Variants in FMNL2 observed in about 807,000 individuals in gnomAD.
FMNL2 encodes the protein formin like 2, also known as formin-like protein 2.
A neutral mutation model predicts 130.2 loss-of-function variants in FMNL2; 51 were observed. The observed-to-expected ratio is 0.39, with a 90% confidence interval of 0.31 to 0.49. The LOEUF is 0.49. Ranked by LOEUF, FMNL2 falls within the 20% of genes least tolerant of loss-of-function variation. FMNL2 has a pLI of 0.85. For missense variants in FMNL2, 977 were observed against 1,316.2 expected, an observed-to-expected ratio of 0.74 and a Z score of 3.99; for synonymous variants, 465 against 467.1, an observed-to-expected ratio of 1.00 and a Z score of 0.06.
chr2:152,406,839 T>G (rs77344232), intron 1 of FMNL2, among the ~76,000 whole-genome samples: 10,173 of 152,296 alleles, frequency 0.067, 583 homozygotes, highest in Admixed American at 0.2. Context: ...CTCACATTAC[T>G]TCCTGGTGCC....
intron 1 of FMNL2, among the ~76,000 whole-genome samples, chr2:152,376,081 A>T (rs1684153922): frequency 6.6e-6 from 1 of 151,700 alleles, no homozygotes; most frequent in African/African-American, 2.4e-5. Flanking sequence ...TTTAGTAGAG[A>T]CGGGGTTTCA....
intron 1 of FMNL2, among the ~76,000 whole-genome samples, chr2:152,453,273 G>A (rs1239431653): frequency 6.6e-6 from 1 of 152,128 alleles, no homozygotes; most frequent in African/African-American, 2.4e-5. Context: ...AAGGTCAGGA[G>A]TGGATTCTGG....
At chr2:152,380,166 T>G (rs1212473425) in intron 1 of FMNL2, among the ~76,000 whole-genome samples, 2 of 152,220 alleles carry the variant, frequency 1.3e-5, no homozygotes, top group Admixed American at 1.3e-4. Flanking sequence ...AGAATAAGGT[T>G]AGTTCATCTT....
At chr2:152,645,242 C>CA (rs1463840731) in intron 25 of FMNL2, among the ~76,000 whole-genome samples, 3 of 152,134 alleles carry the variant, frequency 2.0e-5, no homozygotes, top group Non-Finnish European at 4.4e-5. Flanking sequence ...ACTGGGTGGT[C>CA]AGAGAGCTGG....
intron 9 of FMNL2, among the ~76,000 whole-genome samples, chr2:152,598,364 T>C (rs578044806): frequency 6.6e-6 from 1 of 152,270 alleles, no homozygotes; most frequent in African/African-American, 2.4e-5. Context: ...ACTGAAGGCC[T>C]TTGTCATGTA....
At chr2:152,572,276 G>C (rs1298056112) in intron 6 of FMNL2, among the ~76,000 whole-genome samples, 1 of 152,144 alleles carries the variant, frequency 6.6e-6, no homozygotes, top group Non-Finnish European at 1.5e-5. Flanking sequence ...TCTAAACCTA[G>C]ACCATCTCAG....
chr2:152,620,847 G>A lies in FMNL2; in HGVS notation c.1837+1129G>A, dbSNP rs113001823. The stretch of plus-strand genomic sequence containing the variant: ...AAATCCATGGTTTTACTTCCACCCC[G>A]ACTTCTATATAAAACTGTCAGGGAA... On this transcript the variant is annotated intron_variant, in intron 15 of 25. Transcript: ENST00000288670. The A allele has an allele frequency of 1.5e-3, 1,231 of 837,944 alleles. 15 individuals are homozygous for A. The African/African-American group carries it at 0.02, about 14-fold the overall frequency. The allele number at this position is 837,944 out of a possible 1,614,324, so 51.9% of individuals were successfully genotyped here.
Position 152,453,737 on chromosome 2 carries a change from C to T in FMNL2, c.118-68206C>T, listed in dbSNP as rs888032319. Among the ~76,000 whole-genome samples, 5 of 152,178 alleles carry T rather than the reference C, an allele frequency of 3.3e-5. No individual in the cohort carries two copies. In the South Asian group the frequency reaches 1.0e-3, roughly 32 times the overall value. ...TGTATGCCATTCTGTCCCTTGCATG[C>T]TGTCTGCGAGGGCACAGCCATTATA... is the stretch of plus-strand genomic sequence containing the variant. On this transcript the variant is annotated intron_variant, in intron 1 of 25. Coordinates refer to ENST00000288670, the MANE Select transcript of FMNL2 (RefSeq NM_052905.4).
At chr2:152,414,340 G>C (rs1245513790) in intron 1 of FMNL2, among the ~76,000 whole-genome samples, 1 of 152,168 alleles carries the variant, frequency 6.6e-6, no homozygotes, top group Admixed American at 6.5e-5. Context: ...TGGGGGTGGA[G>C]TGATGTTACC....
At chr2:152,490,750 A>G (rs991507888) in intron 1 of FMNL2, among the ~76,000 whole-genome samples, 1 of 151,628 alleles carries the variant, frequency 6.6e-6, no homozygotes, top group East Asian at 1.9e-4. Context: ...AAAAAAAAAA[A>G]GGAAAATTAT....
intron 1 of FMNL2, among the ~76,000 whole-genome samples, chr2:152,492,271 A>C (rs1441554697): frequency 1.3e-5 from 2 of 152,080 alleles, no homozygotes; most frequent in Non-Finnish European, 2.9e-5. Context: ...CTCTATCTCC[A>C]AAAGCAACTG....
chr2:152,478,246 ATATATTTTTTTT>A (rs1690274419), intron 1 of FMNL2, among the ~76,000 whole-genome samples: 2 of 67,664 alleles, frequency 3.0e-5, no homozygotes, highest in Admixed American at 3.9e-4. Context: ...ATATATATAT[ATATATTTTTTTT>A]TTTTTTTTTT....
intron 1 of FMNL2, among the ~76,000 whole-genome samples, chr2:152,402,243 C>G (rs1579579130): frequency 6.6e-6 from 1 of 152,146 alleles, no homozygotes; most frequent in East Asian, 1.9e-4. Context: ...AAGCGTTGTT[C>G]TCATCTGTAA....
chr2:152,471,891 G>A (rs1475351191), intron 1 of FMNL2, among the ~76,000 whole-genome samples: 1 of 152,070 alleles, frequency 6.6e-6, no homozygotes, highest in Non-Finnish European at 1.5e-5. Context: ...CAAATTCCAG[G>A]CTATACCCTG....
At chr2:152,538,898 A>G (rs1473618508) in intron 2 of FMNL2, among the ~76,000 whole-genome samples, 2 of 152,228 alleles carry the variant, frequency 1.3e-5, no homozygotes, top group African/African-American at 4.8e-5. Flanking sequence ...GCACCTTGCC[A>G]AACACATTTA....
intron 3 of FMNL2, among the ~76,000 whole-genome samples, chr2:152,543,729 CAAA>C (rs71394490): frequency 4.9e-5 from 3 of 61,398 alleles, no homozygotes; most frequent in African/African-American, 6.8e-5. Context: ...ACCCCCCGAC[CAAA>C]AAAAAAAAAA....
chr2:152,623,296 C>G (rs1681494734), intron 15 of FMNL2, among the ~76,000 whole-genome samples: 1 of 152,204 alleles, frequency 6.6e-6, no homozygotes, highest in African/African-American at 2.4e-5. Context: ...GTGCCAGAGG[C>G]AATGCTAGGG....
chr2:152,585,000 A>G (rs1398349138), intron 9 of FMNL2, among the ~76,000 whole-genome samples: 17 of 152,190 alleles, frequency 1.1e-4, no homozygotes, highest in African/African-American at 3.6e-4. Context: ...AAACACATAC[A>G]TGGCTTCAAT....
At chr2:152,461,900 C>T (rs4664110) in intron 1 of FMNL2, among the ~76,000 whole-genome samples, 90,744 of 150,686 alleles carry the variant, frequency 0.6, 29,655 homozygotes, top group East Asian at 0.97. Flanking sequence ...AGCTTTTTTT[C>T]TTTTTAATTT....
Sources: allele counts gnomAD v4.1 joint callset (sites outside exome capture counted in the v4.1 genomes callset), GRCh38; gene constraint gnomAD v4.1.1; transcripts MANE v1.5; gene names NCBI Gene and HGNC (gene_info 2026-07-23, HGNC 2026-07-21).